SAMD4A: variants seen among roughly 807,000 people sequenced by gnomAD.
SAMD4A encodes the protein protein Smaug homolog 1.
In SAMD4A, 33 loss-of-function variants were observed where a neutral mutation model predicts 81.3. The observed-to-expected ratio is 0.41, with a 90% CI of 0.31 to 0.54. The LOEUF (loss-of-function observed/expected upper bound fraction) is 0.54. Ranked by LOEUF, SAMD4A falls within the 20% of genes least tolerant of loss-of-function variation. The pLI, the probability that SAMD4A is intolerant of heterozygous loss-of-function variation, is 0.37. For missense variants in SAMD4A, 854 were observed against 951.1 expected, an observed-to-expected ratio of 0.90 and a Z score of 1.34; for synonymous variants, 389 against 382.1, an observed-to-expected ratio of 1.02 and a Z score of -0.21.
At chr14:54,579,739 GCCT>G (rs1426428419) in intron 2 of SAMD4A, among the ~76,000 whole-genome samples, 1 of 152,162 alleles carries the variant, frequency 6.6e-6, no homozygotes, top group Non-Finnish European at 1.5e-5. Flanking sequence ...TGCTTCTGTG[GCCT>G]CTGCATGAAT....
intron 2 of SAMD4A, among the ~76,000 whole-genome samples, chr14:54,591,646 A>T (rs1033972165): frequency 6.6e-5 from 10 of 151,762 alleles, no homozygotes; most frequent in African/African-American, 2.4e-4. Flanking sequence ...TGCCCCATTC[A>T]TGGTGATTGT....
intron 2 of SAMD4A, among the ~76,000 whole-genome samples, chr14:54,691,563 A>T (rs1246715553): frequency 6.6e-6 from 1 of 152,142 alleles, no homozygotes; most frequent in African/African-American, 2.4e-5. Flanking sequence ...AAAAAAAAAA[A>T]AAAAAAAAAA....
chr14:54,690,274 CACAG>C (rs1387563482), intron 2 of SAMD4A, among the ~76,000 whole-genome samples: 2 of 152,038 alleles, frequency 1.3e-5, no homozygotes, highest in African/African-American at 4.8e-5. Context: ...TAAACTACAT[CACAG>C]ATGATGATAG....
intron 2 of SAMD4A, among the ~76,000 whole-genome samples, chr14:54,700,549 T>C (rs1423598225): frequency 6.6e-6 from 1 of 152,224 alleles, no homozygotes; most frequent in Non-Finnish European, 1.5e-5. Flanking sequence ...GCTAAGCCCT[T>C]CTGCTAAATT....
At position 54,784,561 on chromosome 14, in the gene SAMD4A, C is replaced by G; in HGVS notation, c.2069C>G (p.Pro690Arg). Reference protein sequence around the residue: ...QPEFQLPVTEPDINNRLESLC... With the variant: ...QPEFQLPVTERDINNRLESLC... ...GAATTCCAGCTTCCCGTGACCGAAC[C>G]TGACATCAACAACAGGCTGGAGTCG... The change falls in exon 12 of 13, where the codon CCT becomes CGT. Residue 690 changes from proline (P) to arginine (R), a missense_variant. This residue lies in a region of SAMD4A where 428 missense variants were observed against 471.2 expected (regional missense o/e 0.91). Coordinates refer to ENST00000554335, the MANE Select transcript of SAMD4A (RefSeq NM_015589.6). The G allele has an allele frequency of 6.2e-7, 1 of 1,614,202 alleles. No individual in the cohort carries two copies. The highest frequency in any genetic ancestry group is 1.1e-5 in the South Asian group (1 of 91,088).
At chr14:54,758,532 G>T (rs1414887250) in intron 6 of SAMD4A, among the ~76,000 whole-genome samples, 1 of 152,092 alleles carries the variant, frequency 6.6e-6, no homozygotes, top group Non-Finnish European at 1.5e-5. Context: ...GAGCTCTCAG[G>T]AAATTAAATA....
intron 2 of SAMD4A, among the ~76,000 whole-genome samples, chr14:54,602,083 A>G (rs2034068003): frequency 6.6e-6 from 1 of 152,172 alleles, no homozygotes; most frequent in Non-Finnish European, 1.5e-5. Flanking sequence ...TTTTTCTCTC[A>G]CTTGGGCTAG....
At chr14:54,684,631 A>C (rs2036213443) in intron 2 of SAMD4A, among the ~76,000 whole-genome samples, 2 of 23,726 alleles carry the variant, frequency 8.4e-5, no homozygotes, top group Non-Finnish European at 1.8e-4. Context: ...CCCAACCAGA[A>C]ACGGGAAACC....
In SAMD4A at chr14:54,730,364, C is replaced by T. The variant is rs193228412; in HGVS notation, c.716-6660C>T. Among the ~76,000 whole-genome samples, 511 of 152,316 alleles carry T rather than the reference C, an allele frequency of 3.4e-3. 5 individuals carry two copies. The highest frequency in any genetic ancestry group is 6.0e-3 in the Non-Finnish European group (407 of 68,030). ...AGCTTTTTCTTCTTCTAGAGTCTCCCTTTGGTCTGATTTGCATAGGCAAGT... is the reference window on the plus strand; with the variant it reads ...AGCTTTTTCTTCTTCTAGAGTCTCCTTTTGGTCTGATTTGCATAGGCAAGT... On this transcript the variant is annotated intron_variant, in intron 3 of 12. Coordinates refer to ENST00000554335, the MANE Select transcript of SAMD4A (RefSeq NM_015589.6).
chr14:54,765,010 G>A (rs774680271), intron 8 of SAMD4A, among the ~76,000 whole-genome samples: 1 of 152,212 alleles, frequency 6.6e-6, no homozygotes, highest in Admixed American at 6.5e-5. Context: ...TGTAGGAATC[G>A]TATTTGCCAC....
intron 3 of SAMD4A, among the ~76,000 whole-genome samples, chr14:54,710,989 C>T (rs914688880): frequency 1.3e-5 from 2 of 152,158 alleles, no homozygotes; most frequent in African/African-American, 2.4e-5. Context: ...CCAGATGTGG[C>T]CTCTGAATCA....
intron 2 of SAMD4A, among the ~76,000 whole-genome samples, chr14:54,585,327 A>G (rs1352523734): frequency 6.6e-6 from 1 of 152,228 alleles, no homozygotes; most frequent in Non-Finnish European, 1.5e-5. Flanking sequence ...ACATCCTTTA[A>G]AGCACAGATT....
At chr14:54,679,536 G>A (rs2036079520) in intron 2 of SAMD4A, among the ~76,000 whole-genome samples, 1 of 152,200 alleles carries the variant, frequency 6.6e-6, no homozygotes, top group Non-Finnish European at 1.5e-5. Flanking sequence ...GCATGGAAGT[G>A]GAGGCCTTAG....
chr14:54,667,550 C>T (rs2035782184), intron 2 of SAMD4A, among the ~76,000 whole-genome samples: 1 of 152,082 alleles, frequency 6.6e-6, no homozygotes, highest in Non-Finnish European at 1.5e-5. Context: ...ATTGAAGAGC[C>T]AAGGAGAGGC....
chr14:54,728,687 A>C (rs1011019821), intron 3 of SAMD4A, among the ~76,000 whole-genome samples: 3 of 152,222 alleles, frequency 2.0e-5, no homozygotes, highest in Admixed American at 6.5e-5. Context: ...CCTTTTATCA[A>C]GGAGCTAAGT....
chr14:54,683,306 TC>T (rs756698059), intron 2 of SAMD4A, among the ~76,000 whole-genome samples: 36 of 152,248 alleles, frequency 2.4e-4, no homozygotes, highest in Non-Finnish European at 5.0e-4. Context: ...AGTGAGAGTC[TC>T]CCAGAAGACC....
At chr14:54,782,790 A>G (rs1220000220) in intron 11 of SAMD4A, among the ~76,000 whole-genome samples, 2 of 152,256 alleles carry the variant, frequency 1.3e-5, no homozygotes, top group Admixed American at 6.5e-5. Flanking sequence ...CTTAATGTAT[A>G]GCAAATCAAG....
intron 2 of SAMD4A, among the ~76,000 whole-genome samples, chr14:54,639,801 AAC>A (rs10677522): frequency 1.7e-3 from 257 of 148,844 alleles, no homozygotes; most frequent in Non-Finnish European, 2.2e-3. Flanking sequence ...CATTGCTTGA[AAC>A]ACACACACAC....
intron 2 of SAMD4A, among the ~76,000 whole-genome samples, chr14:54,626,059 T>TGTGTGTGTGCGCGC (rs368142521): frequency 9.8e-6 from 1 of 102,096 alleles, no homozygotes; most frequent in Non-Finnish European, 2.0e-5. Context: ...TGTGTGTGTG[T>TGTGTGTGTGCGCGC]GCGCGCGCGC....
Sources: allele counts gnomAD v4.1 joint callset (sites outside exome capture counted in the v4.1 genomes callset), GRCh38; gene constraint gnomAD v4.1.1; regional missense constraint gnomAD v4.1.1; transcripts MANE v1.5; gene names NCBI Gene and HGNC (gene_info 2026-07-23, HGNC 2026-07-21).